Variants in PPTC7 observed in about 807,000 individuals in gnomAD.
The protein encoded by PPTC7 is protein phosphatase PTC7 homolog.
PPTC7 carries 6 observed loss-of-function variants against 30.8 expected under a neutral mutation model. The observed-to-expected ratio is 0.19, with a 90% CI of 0.11 to 0.38. PPTC7 has a LOEUF of 0.38. PPTC7 is among the 10% of genes least tolerant of loss of function. The pLI, the probability that PPTC7 is intolerant of heterozygous loss-of-function variation, is 1.00. For missense variants in PPTC7, 218 were observed against 404.8 expected (o/e 0.54, Z 3.96); for synonymous variants, 163 against 168.1 (o/e 0.97, Z 0.23).
At position 110,555,376 on chromosome 12, in the gene PPTC7, G is replaced by C. The variant is rs1333709747; in HGVS notation, c.224-3408C>G. Among the ~76,000 whole-genome samples, 2 of 152,178 alleles carry C rather than the reference G, an allele frequency of 1.3e-5. 1 individual carries two copies. Among genetic ancestry groups the C allele is most frequent in the East Asian group, 3.8e-4 (2 of 5,202 alleles). On this transcript the variant is annotated intron_variant, in intron 1 of 5. Transcript: ENST00000354300. ...TTCAAAATATTTAAGGGGTTGAAGGGGGAGTGACAGAAGCACAGATGAAAG... is the reference window on the plus strand; with the variant it reads ...TTCAAAATATTTAAGGGGTTGAAGGCGGAGTGACAGAAGCACAGATGAAAG...
intron 1 of PPTC7, among the ~76,000 whole-genome samples, chr12:110,552,889 C>T (rs1385246317): frequency 6.6e-6 from 1 of 151,944 alleles, no homozygotes; most frequent in Non-Finnish European, 1.5e-5. Context: ...CAAACAAAAC[C>T]ACACACAGTG....
chr12:110,540,018 C>A, intron 3 of PPTC7, 73 bp from the exon 4 acceptor site: 1 of 1,377,920 alleles, frequency 7.3e-7, no homozygotes, highest in Non-Finnish European at 9.9e-7. Context: ...CCTACAGGCA[C>A]TATTTTACAA....
At chr12:110,579,508 G>T (rs1178022082) in intron 1 of PPTC7, among the ~76,000 whole-genome samples, 1 of 152,148 alleles carries the variant, frequency 6.6e-6, no homozygotes, top group Non-Finnish European at 1.5e-5. Context: ...CCTCCAGGTG[G>T]TATCAGAGGA....
intron 3 of PPTC7, among the ~76,000 whole-genome samples, 182 bp downstream of exon 3, chr12:110,545,698 G>A (rs2064300594): frequency 6.6e-6 from 1 of 152,152 alleles, no homozygotes; most frequent in Admixed American, 6.5e-5. Flanking sequence ...ATTCCACTTA[G>A]CTAGATTATC....
intron 1 of PPTC7, among the ~76,000 whole-genome samples, chr12:110,565,608 C>T (rs1168299994): frequency 1.3e-5 from 2 of 152,206 alleles, no homozygotes; most frequent in Admixed American, 6.5e-5. Context: ...GGAAGGATGA[C>T]AAGAACTATT....
At position 110,544,583 on chromosome 12, in the gene PPTC7, C is replaced by T. The variant is rs570341488; in HGVS notation, c.602+1297G>A. ...GGGCGCAGTGGCTCATGCCTGTAATCCCAGCACTTTGGGAGGCCGAGGCGG... is the reference window on the plus strand; with the variant it reads ...GGGCGCAGTGGCTCATGCCTGTAATTCCAGCACTTTGGGAGGCCGAGGCGG... On this transcript the variant is annotated intron_variant, in intron 3 of 5. Transcript: ENST00000354300. Among the ~76,000 whole-genome samples the T allele has an allele frequency of 1.1e-4, 16 of 152,342 alleles. No homozygotes were observed. In the East Asian group the frequency reaches 3.1e-3, roughly 29 times the overall value.
chr12:110,582,400 C>T (rs540980681), intron 1 of PPTC7, among the ~76,000 whole-genome samples: 1 of 152,152 alleles, frequency 6.6e-6, no homozygotes, highest in African/African-American at 2.4e-5. Flanking sequence ...GTCGGGAGCA[C>T]GCGAAGAGGC....
At chr12:110,559,755 TG>T (rs1373561173) in intron 1 of PPTC7, among the ~76,000 whole-genome samples, 4 of 131,958 alleles carry the variant, frequency 3.0e-5, no homozygotes, top group African/African-American at 1.1e-4. Context: ...AAAAAAGAAA[TG>T]GGGTCTCACT....
intron 1 of PPTC7, among the ~76,000 whole-genome samples, chr12:110,572,907 T>C (rs1023486339): frequency 5.9e-5 from 9 of 152,050 alleles, no homozygotes; most frequent in African/African-American, 2.2e-4. Flanking sequence ...TTGAGACGAG[T>C]CTCACTCTGT....
intron 1 of PPTC7, among the ~76,000 whole-genome samples, chr12:110,577,275 C>G (rs2064597619): frequency 6.7e-6 from 1 of 149,274 alleles, no homozygotes; most frequent in African/African-American, 2.5e-5. Flanking sequence ...GCACATGTAT[C>G]CTGGAATTTA....
chr12:110,552,439 CTG>C (rs1233755774), intron 1 of PPTC7, among the ~76,000 whole-genome samples: 6 of 152,192 alleles, frequency 3.9e-5, no homozygotes, highest in Admixed American at 2.0e-4. Flanking sequence ...AAGAACAAAA[CTG>C]AGAACATATC....
At position 110,559,083 on chromosome 12, in the gene PPTC7, G is replaced by A. The variant is rs147606255; in HGVS notation, c.224-7115C>T. ...CTGTCACCCAGGCTGGAGTGCAGTGGTGCAAACACAGCTCACTGCAACTTT... is the reference window on the plus strand; with the variant it reads ...CTGTCACCCAGGCTGGAGTGCAGTGATGCAAACACAGCTCACTGCAACTTT... On this transcript the variant is annotated intron_variant, in intron 1 of 5. Transcript: ENST00000354300. Among the ~76,000 whole-genome samples, 1,176 of 152,224 alleles carry A rather than the reference G, an allele frequency of 7.7e-3. 24 individuals carry two copies. Among genetic ancestry groups the A allele is most frequent in the African/African-American group, 0.026 (1,098 of 41,514 alleles).
rs1386586945 is a variant in PPTC7, at chr12:110,560,411, A to AT, written c.224-8444_224-8443insA. Among the ~76,000 whole-genome samples the AT allele has an allele frequency of 3.8e-4, 58 of 152,170 alleles. No homozygotes were observed. The East Asian group carries it at 9.6e-3, about 25-fold the overall frequency. On this transcript the variant is annotated intron_variant, in intron 1 of 5. Coordinates refer to ENST00000354300, the MANE Select transcript of PPTC7 (RefSeq NM_139283.2). ...AGCGAGACCCTGTCTCAAAAAATAA[A>AT]AAATAAAAAAAGGTAGTTATAACCA... is the stretch of plus-strand genomic sequence containing the variant.
At chr12:110,540,272 ATGAG>A (rs1310003908) in intron 3 of PPTC7, among the ~76,000 whole-genome samples, 1 of 150,608 alleles carries the variant, frequency 6.6e-6, no homozygotes, top group Non-Finnish European at 1.5e-5. Context: ...CCTAGTGGAA[ATGAG>A]TCTTTATTCC....
rs923268733 is a variant in PPTC7, at chr12:110,540,089, G to A, written c.603-144C>T. The A allele has an allele frequency of 5.9e-6, 4 of 672,580 alleles. No individual in the cohort carries two copies. In the East Asian group the frequency reaches 1.3e-4, roughly 22 times the overall value. 41.7% of individuals were successfully genotyped at this position (672,580 alleles called of 1,614,324 possible). A position where few individuals can be genotyped will look rare whatever the true frequency, so the allele number is the denominator to read the frequency against. ...ATAATGGAGTCAATTTTTAAAAAAAGTCATTCTGAAATTCCCAACTCTGAA... is the reference window on the plus strand; with the variant it reads ...ATAATGGAGTCAATTTTTAAAAAAAATCATTCTGAAATTCCCAACTCTGAA... On this transcript the variant is annotated intron_variant, in intron 3 of 5. Transcript: ENST00000354300.
intron 1 of PPTC7, among the ~76,000 whole-genome samples, chr12:110,558,848 C>T (rs1306479252): frequency 3.9e-5 from 6 of 152,262 alleles, no homozygotes; most frequent in Middle Eastern, 6.8e-3. Flanking sequence ...CTTCATGATC[C>T]GCCCGCCTCG....
rs1263672294 is a variant in PPTC7, at chr12:110,545,998, G to C, written c.484C>G (p.Leu162Val). ...HTANLGDSGF[L>V]VVRGGEVVHR... ...ACGACTTCACCACCCCTGACAACCA[G>C]GAAGCCTGAATCGCCCAGGTTTGCT... Residue 162 changes from leucine (L) to valine (V), a missense_variant, in exon 3 of 6, where the codon CTG becomes GTG. Coordinates refer to ENST00000354300, the MANE Select transcript of PPTC7 (RefSeq NM_139283.2). The C allele has an allele frequency of 6.2e-7, 1 of 1,614,204 alleles. No individual in the cohort carries two copies. The highest frequency in any genetic ancestry group is 1.1e-5 in the South Asian group (1 of 91,082).
intron 1 of PPTC7, among the ~76,000 whole-genome samples, chr12:110,555,118 T>G (rs562655843): frequency 3.3e-4 from 50 of 152,300 alleles, no homozygotes; most frequent in African/African-American, 1.2e-3. Flanking sequence ...TGGCTTAACA[T>G]GAATTGGACA....
At chr12:110,557,571 T>C (rs1397383287) in intron 1 of PPTC7, among the ~76,000 whole-genome samples, 1 of 152,156 alleles carries the variant, frequency 6.6e-6, no homozygotes, top group African/African-American at 2.4e-5. Context: ...AGCCACAGGA[T>C]CTGGCCAAGT....
Sources: gnomAD v4.1 joint callset for allele counts (sites outside exome capture counted in the v4.1 genomes callset) on GRCh38, gnomAD v4.1.1 for gene constraint, MANE v1.5 for transcripts, NCBI Gene and HGNC (gene_info 2026-07-23, HGNC 2026-07-21) for gene names.